The following NCOA2 variants were observed in gnomAD, a reference collection of about 807,000 sequenced individuals.
NCOA2 encodes the protein class E basic helix-loop-helix protein 75.
NCOA2 carries 21 observed loss-of-function variants against 145.1 expected under a neutral mutation model. The observed-to-expected ratio is 0.14, with a 90% confidence interval of 0.10 to 0.21. The LOEUF is 0.21. Ranked by LOEUF, NCOA2 falls within the 10% of genes least tolerant of loss-of-function variation. NCOA2 has a pLI of 1.00. For synonymous variants in NCOA2, 619 were observed against 637.5 expected (o/e 0.97, Z 0.44); for missense variants, 1,472 against 1,837.6 (o/e 0.80, Z 3.64).
intron 10 of NCOA2, among the ~76,000 whole-genome samples, chr8:70,159,224 A>T (rs866491353): frequency 1.7e-4 from 11 of 63,988 alleles, no homozygotes; most frequent in Admixed American, 8.7e-4. Flanking sequence ...GTATAACATT[A>T]TATATATATA....
chr8:70,163,805 T>C (rs1286778779), intron 7 of NCOA2, among the ~76,000 whole-genome samples: 1 of 151,610 alleles, frequency 6.6e-6, no homozygotes, highest in Admixed American at 6.6e-5. Flanking sequence ...AACTGCCAAG[T>C]CCCCGCGATA....
chr8:70,370,920 C>G (rs1299982781), intron 1 of NCOA2, among the ~76,000 whole-genome samples: 2 of 152,136 alleles, frequency 1.3e-5, no homozygotes, highest in Non-Finnish European at 2.9e-5. Context: ...AAAGAAAACT[C>G]TAAGTAAACC....
chr8:70,358,364 T>A (rs1397188021), intron 1 of NCOA2, among the ~76,000 whole-genome samples: 2 of 152,210 alleles, frequency 1.3e-5, no homozygotes, highest in Non-Finnish European at 2.9e-5. Flanking sequence ...TTTCAAAATC[T>A]ACTACAAAGC....
chr8:70,141,434 T>C lies in NCOA2; in HGVS notation c.2813-35A>G, dbSNP rs116409269. 163 of 1,566,102 alleles carry C rather than the reference T, an allele frequency of 1.0e-4. No individual in the cohort carries two copies. The African/African-American group carries it at 2.1e-3, about 20-fold the overall frequency. On this transcript the variant is annotated intron_variant, in intron 13 of 22. Coordinates refer to ENST00000452400, the MANE Select transcript of NCOA2 (RefSeq NM_006540.4). ...AGCCAAAGAAAACTGAGAGATGCAGTAACTGAAAACATATTTAGCATGTAT... is the reference window on the plus strand; with the variant it reads ...AGCCAAAGAAAACTGAGAGATGCAGCAACTGAAAACATATTTAGCATGTAT...
chr8:70,227,380 A>T (rs1317830023), intron 2 of NCOA2, among the ~76,000 whole-genome samples: 1 of 152,266 alleles, frequency 6.6e-6, no homozygotes, highest in Admixed American at 6.5e-5. Context: ...AATAAGGGAC[A>T]CAGTTATAGG....
intron 3 of NCOA2, among the ~76,000 whole-genome samples, chr8:70,216,338 T>C (rs1367739671): frequency 1.3e-5 from 2 of 152,230 alleles, no homozygotes; most frequent in Admixed American, 1.3e-4. Flanking sequence ...AAACCCATTA[T>C]AAAATTAACG....
intron 1 of NCOA2, among the ~76,000 whole-genome samples, chr8:70,392,966 G>A (rs1288073875): frequency 6.6e-6 from 1 of 152,162 alleles, no homozygotes; most frequent in African/African-American, 2.4e-5. Flanking sequence ...TAAGCTCCCA[G>A]GGATACCTGA....
chr8:70,405,437 G>GTTTTTTTTTTTTTT (rs34814735), upstream of NCOA2, among the ~76,000 whole-genome samples: 53 of 59,390 alleles, frequency 8.9e-4, 5 homozygotes, highest in African/African-American at 3.1e-3. Flanking sequence ...ATTTTTAAAG[G>GTTTTTTTTTTTTTT]TTTTTTTTTT....
At chr8:70,313,509 CG>C (rs1431720604) in intron 1 of NCOA2, among the ~76,000 whole-genome samples, 2 of 152,078 alleles carry the variant, frequency 1.3e-5, no homozygotes, top group Non-Finnish European at 2.9e-5. Context: ...AGTGGTAACT[CG>C]GGAAGCTGAA....
intron 7 of NCOA2, among the ~76,000 whole-genome samples, chr8:70,166,255 C>T (rs951003753): frequency 2.6e-5 from 4 of 152,268 alleles, no homozygotes; most frequent in East Asian, 1.9e-4. Context: ...GCTATTCAAA[C>T]GTAAATTTAA....
intron 1 of NCOA2, among the ~76,000 whole-genome samples, chr8:70,366,893 C>T (rs1391935748): frequency 6.6e-6 from 1 of 152,110 alleles, no homozygotes; most frequent in Non-Finnish European, 1.5e-5. Context: ...ACTCTGACCT[C>T]GTAGCTCTGA....
chr8:70,439,485 C>CACAA, the NCOA2 span, among the ~76,000 whole-genome samples: 1 of 152,144 alleles, frequency 6.6e-6, no homozygotes, highest in African/African-American at 2.4e-5. Flanking sequence ...GAGGAAACAG[C>CACAA]ACAAATGAAG....
At chr8:70,159,243 T>TATATATATATATATATGTATATATATATA (rs869045939) in intron 10 of NCOA2, among the ~76,000 whole-genome samples, 1 of 82,084 alleles carries the variant, frequency 1.2e-5, no homozygotes, top group African/African-American at 5.0e-5. Flanking sequence ...TATATATATA[T>TATATATATATATATATGTATATATATATA]TTTTTTTTTT....
chr8:70,141,389 A>G lies in NCOA2; in HGVS notation c.2823T>C (p.Gly941=), dbSNP rs748530490. The G allele has an allele frequency of 2.5e-6, 4 of 1,613,700 alleles. No homozygotes were observed. The highest frequency in any genetic ancestry group is 3.4e-6 in the Non-Finnish European group (4 of 1,179,768). Residue 941 remains glycine, a synonymous_variant, in exon 14 of 23, where the codon GGT becomes GGC. Coordinates refer to ENST00000452400, the MANE Select transcript of NCOA2 (RefSeq NM_006540.4). The stretch of plus-strand genomic sequence containing the variant: ...GCATAGTAGGCCGAGAAGCACTGTT[A>G]CCAATCATTCCTGCATGCAAGCCAA... The part of the protein sequence containing the change: ...NLGNSSTGMI[G]NSASRPTMPS...
At chr8:70,442,116 G>GAAAGAAAGAAAGAAGAAAGAAAGAAAGA in the NCOA2 span, among the ~76,000 whole-genome samples, 2 of 82,350 alleles carry the variant, frequency 2.4e-5, no homozygotes, top group South Asian at 8.0e-4. Context: ...GAGAAAGAAA[G>GAAAGAAAGAAAGAAGAAAGAAAGAAAGA]AAGAAAGAAA....
At chr8:70,271,080 G>A (rs979828100) in intron 2 of NCOA2, among the ~76,000 whole-genome samples, 4 of 152,244 alleles carry the variant, frequency 2.6e-5, no homozygotes, top group African/African-American at 9.6e-5. Context: ...GAAGATATAT[G>A]TTGAAAATAC....
At chr8:70,355,457 T>A (rs1447235551) in intron 1 of NCOA2, among the ~76,000 whole-genome samples, 1 of 152,262 alleles carries the variant, frequency 6.6e-6, no homozygotes, top group Non-Finnish European at 1.5e-5. Flanking sequence ...GGGTGAGAAC[T>A]ATCCTCAGGG....
intron 15 of NCOA2, among the ~76,000 whole-genome samples, chr8:70,133,071 GGTGTGTGTGTGTGT>G (rs148660851): frequency 1.3e-5 from 2 of 148,728 alleles, no homozygotes; most frequent in African/African-American, 4.9e-5. Flanking sequence ...GTAGAGGAGG[GGTGTGTGTGTGTGT>G]GTGTGTGTAT....
chr8:70,196,762 C>T (rs1817357591), intron 4 of NCOA2, among the ~76,000 whole-genome samples: 1 of 152,176 alleles, frequency 6.6e-6, no homozygotes, highest in Non-Finnish European at 1.5e-5. Flanking sequence ...TGTGGAACAA[C>T]ATTTTCTGTC....
Sources: gnomAD v4.1 joint callset for allele counts (sites outside exome capture counted in the v4.1 genomes callset) on GRCh38, gnomAD v4.1.1 for gene constraint, MANE v1.5 for transcripts, NCBI Gene and HGNC (gene_info 2026-07-23, HGNC 2026-07-21) for gene names.